PCDHA2: variants seen among roughly 807,000 people sequenced by gnomAD.
PCDHA2 encodes protocadherin alpha-2.
PCDHA2 carries 58 observed loss-of-function variants against 66.0 expected under a neutral mutation model. The ratio of observed to expected loss-of-function variants is 0.88; its 90% CI spans 0.71 to 1.09. The LOEUF (loss-of-function observed/expected upper bound fraction) is 1.09. PCDHA2 is among the 50% of genes least tolerant of loss of function. The pLI, the probability that PCDHA2 is intolerant of heterozygous loss-of-function variation, is 0.00. For missense variants in PCDHA2, 1,267 were observed against 1,242.3 expected, an observed-to-expected ratio of 1.02 and a Z score of -0.30; for synonymous variants, 634 against 554.0, an observed-to-expected ratio of 1.14 and a Z score of -2.03.
At chr5:140,920,851 A>C (rs1370021063) in intron 1 of PCDHA2, among the ~76,000 whole-genome samples, 1 of 152,008 alleles carries the variant, frequency 6.6e-6, no homozygotes, top group Non-Finnish European at 1.5e-5. Flanking sequence ...TAAAAAAAAA[A>C]AAAAAAACAA....
rs2052480735 is a variant in PCDHA2 at position 140,870,867 on chromosome 5, C to A, written c.2388+73515C>A. 5 of 1,613,908 alleles carry A rather than the reference C, an allele frequency of 3.1e-6. No individual in the cohort carries two copies. The East Asian group carries it at 8.9e-5, about 29-fold the overall frequency. ...TACCGCGGTCGGTGGGTGCGGGCCACGTGGTGGCGAAGGTGCGCGCAGTGG... is the reference window on the plus strand; with the variant it reads ...TACCGCGGTCGGTGGGTGCGGGCCAAGTGGTGGCGAAGGTGCGCGCAGTGG... On this transcript the variant is annotated intron_variant, in intron 1 of 3. Transcript: ENST00000526136.
chr5:140,910,944 C>A (rs1177154353), intron 1 of PCDHA2, among the ~76,000 whole-genome samples: 1 of 152,146 alleles, frequency 6.6e-6, no homozygotes, highest in Non-Finnish European at 1.5e-5. Flanking sequence ...TCAAGCAGTT[C>A]TTTTCGAGTG....
chr5:140,975,983 T>A (rs975014640), intron 1 of PCDHA2, among the ~76,000 whole-genome samples: 31 of 152,290 alleles, frequency 2.0e-4, no homozygotes, highest in Admixed American at 2.0e-3. Flanking sequence ...AGCATAGTCC[T>A]GGGAGGTACC....
At chr5:140,883,619 A>T (rs1554178937) in intron 1 of PCDHA2, 2 of 1,613,984 alleles carry the variant, frequency 1.2e-6, no homozygotes, top group Admixed American at 3.3e-5. Context: ...CGTGAACGAC[A>T]ACGCGCCGGC....
intron 3 of PCDHA2, among the ~76,000 whole-genome samples, chr5:140,991,912 A>G (rs1022060256): frequency 1.3e-5 from 2 of 152,150 alleles, no homozygotes; most frequent in Non-Finnish European, 2.9e-5. Context: ...CCCTTTTGCC[A>G]TGTAACATAA....
intron 1 of PCDHA2, among the ~76,000 whole-genome samples, chr5:140,873,668 T>G (rs1315193684): frequency 6.6e-6 from 1 of 152,206 alleles, no homozygotes; most frequent in Non-Finnish European, 1.5e-5. Flanking sequence ...TATTATTATT[T>G]GTTTCTTTTT....
chr5:140,811,435 T>C (rs1764866760), intron 1 of PCDHA2: 1 of 152,242 alleles, frequency 6.6e-6, no homozygotes, highest in African/African-American at 2.4e-5. Flanking sequence ...TGGTTCCAAG[T>C]CTTTGCTATT....
rs1318602549 is a variant in PCDHA2, at chr5:140,842,870, G to T, written c.2388+45518G>T. On this transcript the variant is annotated intron_variant, in intron 1 of 3. Coordinates refer to ENST00000526136, the MANE Select transcript of PCDHA2 (RefSeq NM_018905.3). ...TTCGGTGCACACGGAGAGCGGCAAG[G>T]TGTACGCGCTGCAGCCGCTGGACCA... 4.4e-6 allele frequency: 7 copies of T among 1,593,934 alleles called. 1 individual carries two copies. Among genetic ancestry groups the T allele is most frequent in the Non-Finnish European group, 6.0e-6 (7 of 1,165,422 alleles).
intron 1 of PCDHA2, among the ~76,000 whole-genome samples, chr5:140,871,869 T>C (rs1230282991): frequency 6.6e-6 from 1 of 152,230 alleles, no homozygotes; most frequent in Non-Finnish European, 1.5e-5. Context: ...TATGGATTAT[T>C]TAAATTTGCT....
rs10076265 is a variant in PCDHA2 at position 140,884,506 on chromosome 5, G to A, written c.2388+87154G>A. 61 of 1,614,172 alleles carry A rather than the reference G, an allele frequency of 3.8e-5. No homozygotes were observed. In the South Asian group the frequency reaches 5.9e-4, roughly 16 times the overall value. ...CTCTAGTGTGCTCCAGCGCGGCAGG[G>A]AGTTGGTCGTACTCGCAGCAGAGGC... On this transcript the variant is annotated intron_variant, in intron 1 of 3. Transcript: ENST00000526136.
chr5:141,008,286 A>G (rs944894226), intron 3 of PCDHA2, among the ~76,000 whole-genome samples: 1 of 152,248 alleles, frequency 6.6e-6, no homozygotes, highest in Admixed American at 6.5e-5. Flanking sequence ...TTGAAATAGC[A>G]GTTGTACCCA....
At chr5:140,828,531 T>G in intron 1 of PCDHA2, 3 of 1,614,256 alleles carry the variant, frequency 1.9e-6, no homozygotes, top group Non-Finnish European at 2.5e-6. Flanking sequence ...GAATCTAGGC[T>G]GCCAGATTCT....
At chr5:140,998,274 T>C (rs2097804171) in intron 3 of PCDHA2, among the ~76,000 whole-genome samples, 1 of 152,162 alleles carries the variant, frequency 6.6e-6, no homozygotes, top group African/African-American at 2.4e-5. Flanking sequence ...CTGACACCCA[T>C]AGGATTAAAT....
At chr5:140,961,936 T>C (rs1163967895) in intron 1 of PCDHA2, among the ~76,000 whole-genome samples, 1 of 151,364 alleles carries the variant, frequency 6.6e-6, no homozygotes, top group Non-Finnish European at 1.5e-5. Flanking sequence ...CAGGCTGGAG[T>C]GCAGTGGCAT....
chr5:140,854,428 A>G (rs1402946580), intron 1 of PCDHA2: 1 of 151,142 alleles, frequency 6.6e-6, no homozygotes, highest in Non-Finnish European at 1.5e-5. Context: ...TAAAATCAGA[A>G]TTTGAATGAA....
Position 140,848,772 on chromosome 5 carries a change from G to A in PCDHA2, c.2388+51420G>A, listed in dbSNP as rs2150420106. ...GTTTGTGAATTCTCGGATCGACCGCGAGGAGCTGTGCGGGCGGAGCGCGGA... is the reference window on the plus strand; with the variant it reads ...GTTTGTGAATTCTCGGATCGACCGCAAGGAGCTGTGCGGGCGGAGCGCGGA... On this transcript the variant is annotated intron_variant, in intron 1 of 3. Coordinates refer to ENST00000526136, the MANE Select transcript of PCDHA2 (RefSeq NM_018905.3). 12 of 1,593,594 alleles carry A rather than the reference G, an allele frequency of 7.5e-6. 2 individuals carry two copies. Among genetic ancestry groups the A allele is most frequent in the Non-Finnish European group, 1.0e-5 (12 of 1,164,190 alleles).
intron 1 of PCDHA2, among the ~76,000 whole-genome samples, chr5:140,897,315 T>C (rs980857290): frequency 6.8e-6 from 1 of 147,686 alleles, no homozygotes; most frequent in Non-Finnish European, 1.5e-5. Context: ...GTATATCTCC[T>C]AAAGCTATCC....
intron 1 of PCDHA2, chr5:140,927,924 T>C: frequency 1.2e-6 from 2 of 1,614,204 alleles, no homozygotes; most frequent in Non-Finnish European, 1.7e-6. Context: ...ACTTCCTGAC[T>C]CTTTCGAACC....
intron 1 of PCDHA2, among the ~76,000 whole-genome samples, chr5:140,897,369 T>C (rs183566624): frequency 0.013 from 1,702 of 128,706 alleles, 36 homozygotes; most frequent in African/African-American, 0.049. Flanking sequence ...GAGTGTGATG[T>C]TCCCTTCCCC....
Sources: allele counts gnomAD v4.1 joint callset (sites outside exome capture counted in the v4.1 genomes callset), GRCh38; gene constraint gnomAD v4.1.1; transcripts MANE v1.5; gene names NCBI Gene and HGNC (gene_info 2026-07-23, HGNC 2026-07-21).